Variants in IQCC observed in about 807,000 individuals in gnomAD.
The protein encoded by IQCC is IQ motif containing C, also known as IQ domain-containing protein C.
In IQCC, 23 loss-of-function variants were observed where a neutral mutation model predicts 27.0. The observed-to-expected ratio is 0.85, with a 90% CI of 0.61 to 1.21. The LOEUF (loss-of-function observed/expected upper bound fraction) is 1.21. IQCC is among the 50% of genes most tolerant of loss of function. The pLI is 0.00. For synonymous variants in IQCC, 220 were observed against 217.2 expected, an observed-to-expected ratio of 1.01 and a Z score of -0.11; for missense variants, 552 against 562.3, an observed-to-expected ratio of 0.98 and a Z score of 0.19.
At chr1:32,206,873 CT>C (rs1643360982) in intron 3 of IQCC, 112 bp downstream of exon 3, 1 of 1,455,646 alleles carries the variant, frequency 6.9e-7, no homozygotes, top group Admixed American at 1.9e-5. Context: ...CCCGTCTTCC[CT>C]CTGCCGGGAT....
In IQCC at chr1:32,207,233, C is replaced by G. The variant is rs761523250; in HGVS notation, c.559-7C>G. 25 of 1,613,758 alleles carry G rather than the reference C, an allele frequency of 1.5e-5. 1 individual carries two copies. In the South Asian group the frequency reaches 2.0e-4, roughly 13 times the overall value. ...CTTGGTACAATGTATGTTCTCTCCC[C>G]CAACAGTACCTACTTCTTAAACAAA... On this transcript the variant is annotated splice_polypyrimidine_tract_variant and splice_region_variant and intron_variant, in intron 4 of 4. Transcript: ENST00000291358.
Position 32,207,375 on chromosome 1 carries a change from T to A in IQCC, c.694T>A (p.Ser232Thr). Residue 232 changes from serine (S) to threonine (T), a missense_variant, in exon 5 of 5, where the codon TCC becomes ACC. Ser to Thr is a moderately conservative substitution (Grantham distance 58, BLOSUM62 1). Coordinates refer to ENST00000291358, the MANE Select transcript of IQCC (RefSeq NM_018134.3). ...ACCAAGCGCACCACTGGAGGACCAG[T>A]CCTACAGAGACAGGACCACTGGAGA... Reference protein sequence around the residue: ...SQPSAPLEDQSYRDRTTGELE... With the variant: ...SQPSAPLEDQTYRDRTTGELE... 1 of 1,613,376 alleles carries A rather than the reference T, an allele frequency of 6.2e-7. No individual in the cohort carries two copies. The highest frequency in any genetic ancestry group is 8.5e-7 in the Non-Finnish European group (1 of 1,179,820).
rs1643385071 is a variant in IQCC, at chr1:32,207,280, GC to G, written c.602del (p.Pro201ArgfsTer10). On this transcript the variant is annotated frameshift_variant, in exon 5 of 5. Transcript: ENST00000291358. LOFTEE classifies it low-confidence loss of function (END_TRUNC). ...CAAACACTGAGATCCCCAGAGGCGGGCCCGATCAGAGAGGAACCCCGCGTGT... is the reference window on the plus strand; with the variant it reads ...CAAACACTGAGATCCCCAGAGGCGGGCCGATCAGAGAGGAACCCCGCGTGT... ...LKQTLRSPEA[G>X]PIREEPRVFL... 1.2e-6 allele frequency: 2 copies of G among 1,613,818 alleles called. No individual in the cohort carries two copies. Among genetic ancestry groups the G allele is most frequent in the African/African-American group, 2.7e-5 (2 of 74,860 alleles).
rs369295100 is a variant in IQCC at position 32,205,688 on chromosome 1, C to T, written c.7C>T (p.Pro3Ser). 16 of 1,604,254 alleles carry T rather than the reference C, an allele frequency of 1.0e-5. No individual in the cohort carries two copies. In the African/African-American group the frequency reaches 2.0e-4, roughly 20 times the overall value. ...GGCCTGGCAGTTGGCGCCCATGGAG[C>T]CAGAGCTGCTGGTTCGGAAGGTGTC... MEPELLVRKVSAL... is the reference protein window; with the variant it reads MESELLVRKVSAL... Residue 3 changes from proline to serine, a missense_variant, in exon 1 of 5, where the codon CCA becomes TCA. Coordinates refer to ENST00000291358, the MANE Select transcript of IQCC (RefSeq NM_018134.3). The surrounding 1 kb of genome is among the most constrained non-coding windows in gnomAD (Gnocchi z 5.6).
intron 1 of IQCC, 73 bp from the exon 2 acceptor site, chr1:32,206,081 T>C (rs962944253): frequency 2.9e-5 from 46 of 1,610,860 alleles, no homozygotes; most frequent in Non-Finnish European, 3.8e-5. Flanking sequence ...GACGACCTCT[T>C]CAGGACAGTC....
intron 3 of IQCC, 31 bp from the exon 4 acceptor site, chr1:32,206,970 GT>G: frequency 6.4e-7 from 1 of 1,556,588 alleles, no homozygotes; most frequent in South Asian, 1.1e-5. Flanking sequence ...GTCCCTCAAG[GT>G]TTTCTCCTTC....
chr1:32,208,220 G>C lies in IQCC; in HGVS notation c.*138G>C, dbSNP rs1399890460. The C allele has an allele frequency of 1.1e-6, 1 of 871,392 alleles. No homozygotes were observed. Among genetic ancestry groups the C allele is most frequent in the Non-Finnish European group, 1.7e-6 (1 of 575,346 alleles). The allele number at this position is 871,392 out of a possible 1,614,324, so 54.0% of individuals were successfully genotyped here. ...GGCCATTGGTGACTAGTGGGGCCAA[G>C]AGAAGCTGGAGCAGAGAGCTGGCAT... On this transcript the variant is annotated 3_prime_UTR_variant, in exon 5 of 5. Transcript: ENST00000291358.
intron 1 of IQCC, 38 bp from the exon 2 acceptor site, chr1:32,206,116 G>C: frequency 6.2e-7 from 1 of 1,613,836 alleles, no homozygotes; most frequent in African/African-American, 1.3e-5. Context: ...CTCTCTTACC[G>C]TGATAAGGGA....
chr1:32,206,024 C>T (rs1643321137), intron 1 of IQCC, 130 bp from the exon 2 acceptor site: 1 of 1,594,244 alleles, frequency 6.3e-7, no homozygotes, highest in African/African-American at 1.3e-5. Context: ...TAGCGCACAG[C>T]CCACCTATCC....
intron 1 of IQCC, 67 bp from the exon 2 acceptor site, chr1:32,206,087 C>T: frequency 6.2e-7 from 1 of 1,610,854 alleles, no homozygotes; most frequent in Middle Eastern, 1.7e-4. Flanking sequence ...CTCTTCAGGA[C>T]AGTCCTCCGA....
rs895279410 is a variant in IQCC, at chr1:32,207,538, C to T, written c.857C>T (p.Ser286Phe). ...TACAGCAAGTCTGGACCACCGTCGT[C>T]TATACCATCAAACAGCCAGGCCTTG... ...PCYSKSGPPS[S>F]IPSNSQALGD... Residue 286 changes from serine (S) to phenylalanine (F), a missense_variant, in exon 5 of 5, where the codon TCT becomes TTT. Coordinates refer to ENST00000291358, the MANE Select transcript of IQCC (RefSeq NM_018134.3). The T allele has an allele frequency of 1.2e-6, 2 of 1,611,852 alleles. No individual in the cohort carries two copies. Among genetic ancestry groups the T allele is most frequent in the African/African-American group, 2.7e-5 (2 of 74,758 alleles).
Position 32,205,829 on chromosome 1 carries a change from G to C in IQCC, c.42+106G>C, listed in dbSNP as rs962973540. 4 of 1,563,908 alleles carry C rather than the reference G, an allele frequency of 2.6e-6. No homozygotes were observed. Among genetic ancestry groups the C allele is most frequent in the Non-Finnish European group, 3.5e-6 (4 of 1,153,976 alleles). On this transcript the variant is annotated intron_variant, in intron 1 of 4. Transcript: ENST00000291358. The surrounding 1 kb of genome is among the most constrained non-coding windows in gnomAD (Gnocchi z 5.6). The stretch of plus-strand genomic sequence containing the variant: ...TGCTACCACGTTCAGTCCCCTAACT[G>C]CGCGCCAACCTCTGGAGATACCGGC...
At position 32,208,159 on chromosome 1, in the gene IQCC, C is replaced by A; in HGVS notation, c.*77C>A. On this transcript the variant is annotated 3_prime_UTR_variant, in exon 5 of 5. Coordinates refer to ENST00000291358, the MANE Select transcript of IQCC (RefSeq NM_018134.3). ...GGCAGTGAGACAAGACCTCATCCTA[C>A]CTCCCTGACCAGCTCTGGCTTCTGC... The A allele has an allele frequency of 7.0e-7, 1 of 1,426,604 alleles. No homozygotes were observed. Among genetic ancestry groups the A allele is most frequent in the Non-Finnish European group, 9.3e-7 (1 of 1,072,486 alleles). The allele number at this position is 1,426,604 out of a possible 1,614,324, so 88.4% of individuals were successfully genotyped here.
chr1:32,205,950 G>T lies in IQCC; in HGVS notation c.43-204G>T. On this transcript the variant is annotated intron_variant, in intron 1 of 4. Coordinates refer to ENST00000291358, the MANE Select transcript of IQCC (RefSeq NM_018134.3). This position sits in a 1 kb window ranked among gnomAD's most constrained non-coding sequence, Gnocchi z 5.6. ...ACGCTCGCGCCGGATCAGGGAAACG[G>T]GAAGAGCCTTAAGGCGAGGAGGGGC... The T allele has an allele frequency of 6.4e-7, 1 of 1,552,866 alleles. No homozygotes were observed. Among genetic ancestry groups the T allele is most frequent in the Non-Finnish European group, 8.7e-7 (1 of 1,147,836 alleles).
At position 32,205,904 on chromosome 1, in the gene IQCC, G is replaced by A; in HGVS notation, c.42+181G>A. 6.4e-7 allele frequency: 1 copy of A among 1,551,430 alleles called. No homozygotes were observed. Among genetic ancestry groups the A allele is most frequent in the Non-Finnish European group, 8.7e-7 (1 of 1,147,200 alleles). ...CTGGGACCCACGGACTCCCTGCCCT[G>A]CGCGTCCCCACTCCCACCACACGCT... On this transcript the variant is annotated intron_variant, in intron 1 of 4. Coordinates refer to ENST00000291358, the MANE Select transcript of IQCC (RefSeq NM_018134.3). The surrounding 1 kb of genome is among the most constrained non-coding windows in gnomAD (Gnocchi z 5.6).
In IQCC at chr1:32,206,674, AGAGAT is replaced by A. The variant is rs1033781931; in HGVS notation, c.353_357del (p.Arg118ThrfsTer64). 6.2e-7 allele frequency: 1 copy of A among 1,614,224 alleles called. No homozygotes were observed. The highest frequency in any genetic ancestry group is 1.7e-5 in the Admixed American group (1 of 60,026). On this transcript the variant is annotated frameshift_variant, in exon 3 of 5. Coordinates refer to ENST00000291358, the MANE Select transcript of IQCC (RefSeq NM_018134.3). LOFTEE classifies it high-confidence loss of function. The stretch of plus-strand genomic sequence containing the variant: ...CTCAGCAAATCAAGGAAGCCTCTGC[AGAGAT>A]CACAGCTCCTGGCTTCAGATGAAGC...
chr1:32,208,088 AG>A lies in IQCC; in HGVS notation c.*8del. 6.3e-7 allele frequency: 1 copy of A among 1,591,602 alleles called. No homozygotes were observed. The highest frequency in any genetic ancestry group is 1.4e-5 in the African/African-American group (1 of 74,060). On this transcript the variant is annotated 3_prime_UTR_variant, in exon 5 of 5. Coordinates refer to ENST00000291358, the MANE Select transcript of IQCC (RefSeq NM_018134.3). ...AAACAGAACCACCTGGCTAGACCCT[AG>A]GAAGCCAGGAGAGGATCAGGTTCCA... is the stretch of plus-strand genomic sequence containing the variant.
At chr1:32,206,357 C>T in intron 2 of IQCC, 60 bp downstream of exon 2, 3 of 1,605,158 alleles carry the variant, frequency 1.9e-6, no homozygotes, top group Non-Finnish European at 2.6e-6. Context: ...ACCCACCCTT[C>T]CCAGTGATAA....
rs1348650050 is a variant in IQCC, at chr1:32,207,655, C to T, written c.974C>T (p.Pro325Leu). The T allele has an allele frequency of 1.9e-6, 3 of 1,614,020 alleles. No individual in the cohort carries two copies. Among genetic ancestry groups the T allele is most frequent in the Non-Finnish European group, 1.7e-6 (2 of 1,180,016 alleles). ...ATGAAAATCCTGGAGGACCAGACCC[C>T]CAGAGGTTTAAAACCTAGGAACCAT... The part of the protein sequence containing the change: ...LQMKILEDQT[P>L]RGLKPRNHCP... Residue 325 changes from proline (P) to leucine (L), a missense_variant, in exon 5 of 5, where the codon CCC (proline) becomes CTC (leucine). Coordinates refer to ENST00000291358, the MANE Select transcript of IQCC (RefSeq NM_018134.3).
Sources: allele counts gnomAD v4.1 joint callset, GRCh38; gene constraint gnomAD v4.1.1; non-coding constraint Gnocchi (gnomAD v3.1); transcripts MANE v1.5; gene names NCBI Gene and HGNC (gene_info 2026-07-23, HGNC 2026-07-21).